Variants in PRSS23 observed in about 807,000 individuals in gnomAD.
The protein encoded by PRSS23 is serine protease 23.
Under a neutral mutation model 34.7 loss-of-function variants are expected in PRSS23, and 25 were observed. The observed-to-expected ratio is 0.72, with a 90% confidence interval of 0.53 to 1.01. PRSS23 has a LOEUF of 1.01. Ranked by LOEUF, PRSS23 falls within the 50% of genes least tolerant of loss-of-function variation. The pLI, the probability that PRSS23 is intolerant of heterozygous loss-of-function variation, is 0.00. For synonymous variants in PRSS23, 176 were observed against 186.6 expected (o/e 0.94, Z 0.46); for missense variants, 445 against 475.6 (o/e 0.94, Z 0.60).
intron 2 of PRSS23, among the ~76,000 whole-genome samples, chr11:86,887,167 G>A (rs2511888): frequency 0.66 from 100,896 of 151,972 alleles, 33,771 homozygotes; most frequent in South Asian, 0.73. Context: ...TGACTCCAGA[G>A]CTGTGCTCGT....
chr11:86,800,088 T>A (rs1229592415), upstream of PRSS23, among the ~76,000 whole-genome samples: 1 of 152,142 alleles, frequency 6.6e-6, no homozygotes, highest in African/African-American at 2.4e-5. Context: ...CCCGCGTCCC[T>A]AGTTCTAGGC....
At chr11:86,821,552 C>T in intron 1 of PRSS23, 3 of 1,611,018 alleles carry the variant, frequency 1.9e-6, no homozygotes, top group Non-Finnish European at 2.5e-6. Context: ...ATCTGGATGG[C>T]ATTCACTCTG....
chr11:86,842,664 A>T (rs895696963), intron 2 of PRSS23, among the ~76,000 whole-genome samples: 3 of 152,194 alleles, frequency 2.0e-5, no homozygotes, highest in African/African-American at 7.2e-5. Context: ...GTGAACTCCC[A>T]TTCACAACTG....
intron 1 of PRSS23, chr11:86,823,187 T>G (rs1948266279): frequency 1.7e-6 from 1 of 592,034 alleles, no homozygotes; most frequent in African/African-American, 1.9e-5. Context: ...GGATGATACA[T>G]ACAATTTATT....
At chr11:86,946,081 C>A (rs1949240109) in intron 2 of PRSS23, 1 of 152,416 alleles carries the variant, frequency 6.6e-6, no homozygotes, top group African/African-American at 2.4e-5. Flanking sequence ...CATTTTTTGA[C>A]CTTTTCAAGC....
At chr11:86,939,433 A>AAAATATATATATATATAT (rs1565392858) in intron 2 of PRSS23, among the ~76,000 whole-genome samples, 2 of 48,128 alleles carry the variant, frequency 4.2e-5, no homozygotes, top group East Asian at 5.8e-4. Context: ...TATATTTTTT[A>AAAATATATATATATATAT]ACATGAGTAA....
rs1220877419 is a variant in PRSS23 at position 86,824,623 on chromosome 11, T to TC, written c.206+1036dup. ...TAGGTATATCTCCTAAAGCTATCCCTCCCCCCTCCCCCCACCCCACAACAG... is the reference window on the plus strand; with the variant it reads ...TAGGTATATCTCCTAAAGCTATCCCTCCCCCCCTCCCCCCACCCCACAACAG... On this transcript the variant is annotated intron_variant, in intron 2 of 2. Transcript: ENST00000533902. Among the ~76,000 whole-genome samples the TC allele has an allele frequency of 8.9e-3, 783 of 88,404 alleles. 24 individuals are homozygous for TC. The highest frequency in any genetic ancestry group is 0.033 in the African/African-American group (742 of 22,682). The allele number at this position is 88,404 out of a possible 152,430, so 58.0% of individuals were successfully genotyped here.
intron 2 of PRSS23, among the ~76,000 whole-genome samples, chr11:86,848,171 G>T (rs1027309178): frequency 6.6e-6 from 1 of 152,236 alleles, no homozygotes; most frequent in African/African-American, 2.4e-5. Flanking sequence ...GGATGATCCT[G>T]ATAACCATAT....
At chr11:86,824,383 A>C (rs1251351059) in intron 2 of PRSS23, among the ~76,000 whole-genome samples, 2 of 143,740 alleles carry the variant, frequency 1.4e-5, no homozygotes, top group African/African-American at 5.2e-5. Flanking sequence ...ATAAAATAAA[A>C]AAACAAAATG....
chr11:86,796,590 G>A (rs1190138165), upstream of PRSS23, among the ~76,000 whole-genome samples: 1 of 136,806 alleles, frequency 7.3e-6, no homozygotes, highest in African/African-American at 2.7e-5. Flanking sequence ...GCAGTGAGCC[G>A]AGATCGCGCC....
upstream of PRSS23, among the ~76,000 whole-genome samples, chr11:86,799,533 ATC>A (rs142425319): frequency 1.6e-3 from 246 of 152,194 alleles, no homozygotes; most frequent in African/African-American, 5.7e-3. Context: ...AATTAGTGTA[ATC>A]TCTGCACCTT....
intron 1 of PRSS23, among the ~76,000 whole-genome samples, chr11:86,794,020 G>A (rs1947966574): frequency 6.6e-6 from 1 of 151,992 alleles, no homozygotes; most frequent in Non-Finnish European, 1.5e-5. Context: ...AGGATGAATA[G>A]AATTTTCCAC....
intron 2 of PRSS23, among the ~76,000 whole-genome samples, chr11:86,881,475 A>T (rs532357763): frequency 1.8e-4 from 27 of 152,024 alleles, no homozygotes; most frequent in Middle Eastern, 3.4e-3. Flanking sequence ...TATTTTTTTT[A>T]AAATATATGG....
At chr11:86,853,223 C>T (rs1379550393) in intron 2 of PRSS23, among the ~76,000 whole-genome samples, 1 of 132,738 alleles carries the variant, frequency 7.5e-6, no homozygotes, top group Non-Finnish European at 1.5e-5. Context: ...ATGTTGCAGC[C>T]TGTGTCACAA....
intron 2 of PRSS23, among the ~76,000 whole-genome samples, chr11:86,894,221 G>A (rs921809159): frequency 1.2e-4 from 18 of 152,146 alleles, no homozygotes; most frequent in Non-Finnish European, 2.4e-4. Context: ...TGTTGTCCAA[G>A]CTGGTCTCAA....
At chr11:86,951,207 C>T in intron 2 of PRSS23, 1 of 1,614,108 alleles carries the variant, frequency 6.2e-7, no homozygotes, top group Non-Finnish European at 8.5e-7. Context: ...TCTCTCTTTA[C>T]CTTTCCAGAA....
chr11:86,841,615 C>G (rs909024305), intron 2 of PRSS23, among the ~76,000 whole-genome samples: 13 of 152,048 alleles, frequency 8.5e-5, no homozygotes, highest in African/African-American at 3.1e-4. Context: ...CACCACTGGT[C>G]CCACAGAAAT....
At chr11:86,868,716 A>G (rs1482700592) in intron 2 of PRSS23, among the ~76,000 whole-genome samples, 1 of 152,182 alleles carries the variant, frequency 6.6e-6, no homozygotes, top group African/African-American at 2.4e-5. Context: ...AACTAGCCCT[A>G]GAGAGGCAGC....
intron 2 of PRSS23, among the ~76,000 whole-genome samples, chr11:86,831,421 C>G (rs751643178): frequency 1.3e-5 from 2 of 151,500 alleles, no homozygotes; most frequent in South Asian, 2.1e-4. Flanking sequence ...GGATGATACT[C>G]CTAATGTCAT....
Sources: gnomAD v4.1 joint callset for allele counts (sites outside exome capture counted in the v4.1 genomes callset) on GRCh38, gnomAD v4.1.1 for gene constraint, MANE v1.5 for transcripts, NCBI Gene and HGNC (gene_info 2026-07-23, HGNC 2026-07-21) for gene names.